The following RBMS3 variants were observed in gnomAD, a reference collection of about 807,000 sequenced individuals.
RBMS3 encodes the protein RNA binding motif single stranded interacting protein 3.
In RBMS3, 27 loss-of-function variants were observed where a neutral mutation model predicts 66.8. The observed-to-expected ratio is 0.40, with a 90% CI of 0.30 to 0.56. RBMS3 has a LOEUF of 0.56. Ranked by LOEUF, RBMS3 falls within the 20% of genes least tolerant of loss-of-function variation. RBMS3 has a pLI of 0.40. For synonymous variants in RBMS3, 188 were observed against 183.0 expected, an observed-to-expected ratio of 1.03 and a Z score of -0.22; for missense variants, 513 against 549.5, an observed-to-expected ratio of 0.93 and a Z score of 0.66.
intron 4 of RBMS3, among the ~76,000 whole-genome samples, chr3:29,719,452 A>G (rs753840605): frequency 5.0e-4 from 76 of 152,100 alleles, no homozygotes; most frequent in Non-Finnish European, 9.1e-4. Flanking sequence ...TTGTCTACTC[A>G]GTTCCACGAC....
rs1319277517 is a variant in RBMS3 at position 29,281,378 on chromosome 3, T to G, written c.-304T>G. On this transcript the variant is annotated 5_prime_UTR_variant, in exon 1 of 15. Transcript: ENST00000383767. Reference sequence around the variant, plus strand: ...CAGACAGCCTGGTTAGAGAACAAACTGCCTCATCCCAAGTGGACCCCGGCA... The same window carrying G: ...CAGACAGCCTGGTTAGAGAACAAACGGCCTCATCCCAAGTGGACCCCGGCA... The G allele has an allele frequency of 2.2e-6, 1 of 446,236 alleles. No individual in the cohort carries two copies. The highest frequency in any genetic ancestry group is 4.0e-6 in the Non-Finnish European group (1 of 252,276). 27.6% of individuals were successfully genotyped at this position (446,236 alleles called of 1,614,324 possible). A position where few individuals can be genotyped will look rare whatever the true frequency, so the allele number is the denominator to read the frequency against.
At chr3:29,386,662 A>G (rs1220067384) in intron 1 of RBMS3, among the ~76,000 whole-genome samples, 3 of 152,176 alleles carry the variant, frequency 2.0e-5, no homozygotes, top group Non-Finnish European at 4.4e-5. Flanking sequence ...ACATGCTGCA[A>G]TGCTTCCCAT....
intron 4 of RBMS3, among the ~76,000 whole-genome samples, chr3:29,734,910 T>G (rs1257804318): frequency 6.6e-6 from 1 of 152,136 alleles, no homozygotes; most frequent in Admixed American, 6.5e-5. Context: ...ATATTGGAAA[T>G]AAAAACAGTT....
At chr3:29,663,365 C>T (rs376972820) in intron 4 of RBMS3, among the ~76,000 whole-genome samples, 38 of 152,114 alleles carry the variant, frequency 2.5e-4, no homozygotes, top group Middle Eastern at 3.2e-3. Flanking sequence ...TCTTGCATAA[C>T]GAAGACCTTG....
chr3:29,333,271 A>G (rs1435670186), intron 1 of RBMS3, among the ~76,000 whole-genome samples: 1 of 152,256 alleles, frequency 6.6e-6, no homozygotes, highest in East Asian at 1.9e-4. Flanking sequence ...TACCTGGTAG[A>G]TTATTTCCTT....
chr3:29,333,973 C>A (rs1456310458), intron 1 of RBMS3, among the ~76,000 whole-genome samples: 3 of 152,092 alleles, frequency 2.0e-5, no homozygotes, highest in Non-Finnish European at 2.9e-5. Context: ...TCTAGACTTG[C>A]TTGTATCTAG....
chr3:29,526,537 A>AGTTTG, intron 3 of RBMS3, among the ~76,000 whole-genome samples: 1 of 85,888 alleles, frequency 1.2e-5, no homozygotes, highest in Non-Finnish European at 2.0e-5. Flanking sequence ...AAAAAAAAAA[A>AGTTTG]AAAAAAAAAA....
chr3:29,534,227 T>C (rs2045468877), intron 3 of RBMS3, among the ~76,000 whole-genome samples: 1 of 152,242 alleles, frequency 6.6e-6, no homozygotes, highest in East Asian at 1.9e-4. Context: ...AGCAACATCC[T>C]GAGCTAAGCC....
At chr3:29,522,546 T>C (rs1168175200) in intron 3 of RBMS3, among the ~76,000 whole-genome samples, 1 of 152,070 alleles carries the variant, frequency 6.6e-6, no homozygotes, top group Admixed American at 6.6e-5. Flanking sequence ...AGGAAGCTGC[T>C]ACCAATCCTA....
chr3:29,832,628 C>T (rs2058402713), intron 6 of RBMS3, among the ~76,000 whole-genome samples: 1 of 152,154 alleles, frequency 6.6e-6, no homozygotes. Context: ...TGTCCAGTTC[C>T]CCTAGCTGTA....
intron 3 of RBMS3, among the ~76,000 whole-genome samples, chr3:29,542,417 A>G (rs533293819): frequency 6.6e-6 from 1 of 152,172 alleles, no homozygotes; most frequent in Admixed American, 6.5e-5. Context: ...CTGGAGTACA[A>G]TGGTGCAATC....
intron 5 of RBMS3, among the ~76,000 whole-genome samples, 169 bp from the exon 6 acceptor site, chr3:29,762,741 G>A (rs565999194): frequency 6.6e-6 from 1 of 152,158 alleles, no homozygotes; most frequent in African/African-American, 2.4e-5. Flanking sequence ...GCATTAATGA[G>A]TTTGTGATGT....
chr3:29,281,377 C>G lies in RBMS3; in HGVS notation c.-305C>G, dbSNP rs1158976449. The G allele has an allele frequency of 2.3e-6, 1 of 443,082 alleles. No individual in the cohort carries two copies. Among genetic ancestry groups the G allele is most frequent in the Non-Finnish European group, 4.0e-6 (1 of 250,398 alleles). The allele number at this position is 443,082 out of a possible 1,614,324, so 27.4% of individuals were successfully genotyped here. ...ACAGACAGCCTGGTTAGAGAACAAA[C>G]TGCCTCATCCCAAGTGGACCCCGGC... On this transcript the variant is annotated 5_prime_UTR_variant, in exon 1 of 15. Transcript: ENST00000383767.
intron 2 of RBMS3, among the ~76,000 whole-genome samples, chr3:29,449,989 C>T (rs1054557837): frequency 7.2e-5 from 11 of 152,116 alleles, no homozygotes; most frequent in Admixed American, 7.2e-4. Context: ...AGAAATGGAG[C>T]AGCATATTTC....
At chr3:29,361,237 G>A (rs2037564174) in intron 1 of RBMS3, among the ~76,000 whole-genome samples, 1 of 152,044 alleles carries the variant, frequency 6.6e-6, no homozygotes, top group Non-Finnish European at 1.5e-5. Flanking sequence ...TTGTAGGGCA[G>A]GCCTGGTGGT....
chr3:29,475,963 T>C lies in RBMS3; in HGVS notation c.249-12478T>C, dbSNP rs1348971483. On this transcript the variant is annotated intron_variant, in intron 2 of 14. Transcript: ENST00000383767. ...AGTGGCTGAATTTTTCTTGCATTTT[T>C]CCTTCAGCCCATGACCCTCCTAAAT... Among the ~76,000 whole-genome samples the C allele has an allele frequency of 2.0e-5, 3 of 152,178 alleles. No homozygotes were observed. The East Asian group carries it at 5.8e-4, about 29-fold the overall frequency.
chr3:29,793,230 CAA>C (rs59309324), intron 6 of RBMS3, among the ~76,000 whole-genome samples: 1 of 117,116 alleles, frequency 8.5e-6, no homozygotes. Flanking sequence ...GACTCCATCT[CAA>C]AAAAAAAAAG....
rs1699915106 is a variant in RBMS3 at position 30,009,943 on chromosome 3, G to T, written c.*6081G>T. ...GGAACTGTAAAAATTATTTCAAAAAGATATTTGAAAAAGTTTTCTCTATTC... is the reference window on the plus strand; with the variant it reads ...GGAACTGTAAAAATTATTTCAAAAATATATTTGAAAAAGTTTTCTCTATTC... On this transcript the variant is annotated 3_prime_UTR_variant, in exon 15 of 15. Coordinates refer to ENST00000383767, the MANE Select transcript of RBMS3 (RefSeq NM_001003793.3). 6.6e-6 allele frequency: 1 copy of T among 151,478 alleles called. No individual in the cohort carries two copies. The highest frequency in any genetic ancestry group is 6.6e-5 in the Admixed American group (1 of 15,192). 9.4% of individuals were successfully genotyped at this position (151,478 alleles called of 1,614,324 possible).
chr3:29,696,387 T>C (rs2052277286), intron 4 of RBMS3, among the ~76,000 whole-genome samples: 1 of 152,124 alleles, frequency 6.6e-6, no homozygotes, highest in Admixed American at 6.5e-5. Flanking sequence ...CCTGCCATTA[T>C]TATTGCAAGC....
Sources: gnomAD v4.1 joint callset for allele counts (sites outside exome capture counted in the v4.1 genomes callset) on GRCh38, gnomAD v4.1.1 for gene constraint, MANE v1.5 for transcripts, NCBI Gene and HGNC (gene_info 2026-07-23, HGNC 2026-07-21) for gene names.